Variants in DTNA observed in about 807,000 individuals in gnomAD.
The protein encoded by DTNA is dystrophin-related protein 3.
A neutral mutation model predicts 100.7 loss-of-function variants in DTNA; 43 were observed. The observed-to-expected ratio is 0.43, with a 90% CI of 0.33 to 0.55. The LOEUF is 0.55. Among genes scored for constraint, DTNA ranks in the 20% least tolerant of loss-of-function variants. The probability of loss-of-function intolerance (pLI) is 0.04; values close to 1 mark genes in which losing one functional copy is unlikely to be tolerated. For missense variants in DTNA, 798 were observed against 953.9 expected, an observed-to-expected ratio of 0.84 and a Z score of 2.15; for synonymous variants, 349 against 347.9, an observed-to-expected ratio of 1.00 and a Z score of -0.04.
intron 16 of DTNA, among the ~76,000 whole-genome samples, chr18:34,861,128 ATGG>A: frequency 6.6e-6 from 1 of 152,156 alleles, no homozygotes; most frequent in Non-Finnish European, 1.5e-5. Flanking sequence ...ATGTTGATAT[ATGG>A]TATTTAATAT....
intron 1 of DTNA, among the ~76,000 whole-genome samples, chr18:34,610,551 A>G (rs2054018396): frequency 6.6e-6 from 1 of 152,212 alleles, no homozygotes; most frequent in Non-Finnish European, 1.5e-5. Context: ...TTTCAGGTAC[A>G]TTTAAAAAAT....
At chr18:34,532,005 T>C (rs1476364323) in intron 1 of DTNA, among the ~76,000 whole-genome samples, 1 of 152,140 alleles carries the variant, frequency 6.6e-6, no homozygotes, top group Non-Finnish European at 1.5e-5. Context: ...GCTTTTTCAA[T>C]CATTTTAATT....
chr18:34,640,899 T>C (rs1053109933), intron 1 of DTNA, among the ~76,000 whole-genome samples: 1 of 152,214 alleles, frequency 6.6e-6, no homozygotes, highest in East Asian at 1.9e-4. Flanking sequence ...AAAGGACTAA[T>C]TGGCAGTGGC....
chr18:34,637,371 A>G (rs1245316218), intron 1 of DTNA, among the ~76,000 whole-genome samples: 3 of 152,172 alleles, frequency 2.0e-5, no homozygotes, highest in Non-Finnish European at 4.4e-5. Context: ...GCTGCCTGAA[A>G]CATGCTGCCC....
intron 15 of DTNA, among the ~76,000 whole-genome samples, chr18:34,853,480 T>G (rs1474151545): frequency 6.6e-6 from 1 of 152,164 alleles, no homozygotes; most frequent in African/African-American, 2.4e-5. Context: ...TTCATATTTT[T>G]TTCTAGTAAG....
At chr18:34,774,814 GT>G (rs2148675735) in intron 3 of DTNA, among the ~76,000 whole-genome samples, 1 of 152,310 alleles carries the variant, frequency 6.6e-6, no homozygotes, top group East Asian at 1.9e-4. Flanking sequence ...TAAAAGAGAG[GT>G]TGCTTCCACA....
intron 1 of DTNA, among the ~76,000 whole-genome samples, chr18:34,681,725 CA>C (rs1568206012): frequency 1.7e-4 from 25 of 150,660 alleles, no homozygotes; most frequent in African/African-American, 5.7e-4. Context: ...CACACACACA[CA>C]CACACCCCAC....
Position 34,661,292 on chromosome 18 carries a change from A to G in DTNA, c.-1-94684A>G, listed in dbSNP as rs1010164094. Among the ~76,000 whole-genome samples, 35 of 152,220 alleles carry G rather than the reference A, an allele frequency of 2.3e-4. 1 individual carries two copies. The highest frequency in any genetic ancestry group is 4.7e-4 in the Non-Finnish European group (32 of 68,022). On this transcript the variant is annotated intron_variant, in intron 1 of 19. Transcript: ENST00000283365. ...GTACTTACTAGACACTGCTCTAGCT[A>G]GTGGATACGTTGATCATTCACACTA...
At chr18:34,789,157 A>G (rs1334143574) in intron 3 of DTNA, among the ~76,000 whole-genome samples, 3 of 152,190 alleles carry the variant, frequency 2.0e-5, no homozygotes, top group African/African-American at 7.2e-5. Flanking sequence ...TCTTTCCACT[A>G]TGCCACCACT....
chr18:34,837,946 T>A, intron 11 of DTNA, 148 bp from the exon 12 acceptor site: 1 of 793,208 alleles, frequency 1.3e-6, no homozygotes, highest in South Asian at 1.5e-5. Flanking sequence ...TCTGTGGAAA[T>A]CTGAAAACAT....
chr18:34,628,952 C>T (rs1458104839), intron 1 of DTNA, among the ~76,000 whole-genome samples: 1 of 152,078 alleles, frequency 6.6e-6, no homozygotes, highest in African/African-American at 2.4e-5. Flanking sequence ...CAAAGCGCCT[C>T]CTCCCCATAA....
chr18:34,835,382 T>C (rs1196916773), intron 11 of DTNA, among the ~76,000 whole-genome samples: 1 of 152,194 alleles, frequency 6.6e-6, no homozygotes, highest in Non-Finnish European at 1.5e-5. Context: ...ACTATTTCTT[T>C]AAACCAACAC....
At position 34,712,720 on chromosome 18, in the gene DTNA, G is replaced by A. The variant is rs377613368; in HGVS notation, c.-2+2275G>A. The stretch of plus-strand genomic sequence containing the variant: ...TTGTTTCAACTCTTGTTTAAATTAT[G>A]CTTTCTTGTTAATTTTGAATAATTT... On this transcript the variant is annotated intron_variant, in intron 1 of 22. Transcript: ENST00000444659. Among the ~76,000 whole-genome samples the A allele has an allele frequency of 9.2e-5, 14 of 152,164 alleles. No individual in the cohort carries two copies. In the South Asian group the frequency reaches 1.7e-3, roughly 18 times the overall value.
At chr18:34,790,321 A>C (rs2094663417) in intron 3 of DTNA, among the ~76,000 whole-genome samples, 1 of 151,978 alleles carries the variant, frequency 6.6e-6, no homozygotes. Flanking sequence ...GGAAGGACAG[A>C]GCTCTAAGGT....
intron 1 of DTNA, among the ~76,000 whole-genome samples, chr18:34,610,425 A>G (rs959284755): frequency 4.6e-5 from 7 of 152,212 alleles, no homozygotes; most frequent in African/African-American, 1.7e-4. Flanking sequence ...TTTCTGGTTT[A>G]AAGTCCAGAA....
At chr18:34,666,142 T>C (rs1413287069) in intron 1 of DTNA, among the ~76,000 whole-genome samples, 1 of 152,232 alleles carries the variant, frequency 6.6e-6, no homozygotes, top group Non-Finnish European at 1.5e-5. Context: ...TATCTCATTG[T>C]GGTTTTGATT....
chr18:34,521,896 C>A (rs1277373402), intron 1 of DTNA, among the ~76,000 whole-genome samples: 1 of 152,174 alleles, frequency 6.6e-6, no homozygotes, highest in Admixed American at 6.5e-5. Context: ...CATTGTCTCT[C>A]TCCCCCACTA....
At chr18:34,644,456 G>C (rs1255361659) in intron 1 of DTNA, among the ~76,000 whole-genome samples, 2 of 152,100 alleles carry the variant, frequency 1.3e-5, no homozygotes, top group Non-Finnish European at 2.9e-5. Flanking sequence ...AGTTTAAAAG[G>C]CTTTCTGGGA....
At chr18:34,770,784 CTTTTTT>C (rs10670584) in intron 3 of DTNA, among the ~76,000 whole-genome samples, 3 of 132,888 alleles carry the variant, frequency 2.3e-5, no homozygotes, top group Non-Finnish European at 4.7e-5. Flanking sequence ...GAATTATATT[CTTTTTT>C]TTTTTTTTTT....
Sources: allele counts gnomAD v4.1 joint callset (sites outside exome capture counted in the v4.1 genomes callset), GRCh38; gene constraint gnomAD v4.1.1; transcripts MANE v1.5; gene names NCBI Gene and HGNC (gene_info 2026-07-23, HGNC 2026-07-21).